The following PCNT variants were observed in gnomAD, a reference collection of about 807,000 sequenced individuals.
PCNT encodes the protein kendrin.
Under a neutral mutation model 380.4 loss-of-function variants are expected in PCNT, and 319 were observed. The observed-to-expected ratio is 0.84, with a 90% CI of 0.77 to 0.92. PCNT has a LOEUF of 0.92. PCNT is among the 40% of genes least tolerant of loss of function. PCNT has a pLI of 0.00. For synonymous variants in PCNT, 1,845 were observed against 1,735.2 expected (o/e 1.06, Z -1.57); for missense variants, 4,400 against 4,255.3 (o/e 1.03, Z -0.95).
At chr21:46,414,667 C>G (rs1243704610) in intron 29 of PCNT, among the ~76,000 whole-genome samples, 1 of 148,522 alleles carries the variant, frequency 6.7e-6, no homozygotes, top group African/African-American at 2.5e-5. Flanking sequence ...GCCACCCACC[C>G]TGCTCCTCCT....
chr21:46,444,545 A>C (rs2053699271), intron 45 of PCNT, 149 bp from the exon 46 acceptor site: 1 of 749,150 alleles, frequency 1.3e-6, no homozygotes, highest in Non-Finnish European at 2.2e-6. Flanking sequence ...AGGGATCTGA[A>C]GGAAACGGCC....
rs930298994 is a variant in PCNT at position 46,347,638 on chromosome 21, C to G, written c.1032+126C>G. 15 of 867,612 alleles carry G rather than the reference C, an allele frequency of 1.7e-5. No individual in the cohort carries two copies. In the Admixed American group the frequency reaches 2.8e-4, roughly 16 times the overall value. The allele number at this position is 867,612 out of a possible 1,614,324, so 53.7% of individuals were successfully genotyped here. On this transcript the variant is annotated intron_variant, in intron 6 of 46. Coordinates refer to ENST00000359568, the MANE Select transcript of PCNT (RefSeq NM_006031.6). ...CCAGTCGAGGCTTTATTAGAATATG[C>G]TGGTTGAAAGTGTATTGCGTTCTTT...
chr21:46,422,253 G>A, intron 32 of PCNT, 129 bp downstream of exon 32: 2 of 1,166,916 alleles, frequency 1.7e-6, no homozygotes, highest in South Asian at 2.6e-5. Flanking sequence ...CTGAGCACCT[G>A]CATTTTAATG....
Position 46,366,598 on chromosome 21 carries a change from G to A in PCNT, c.2624G>A (p.Arg875His), listed in dbSNP as rs753157321. 1.9e-5 allele frequency: 31 copies of A among 1,613,922 alleles called. No homozygotes were observed. The highest frequency in any genetic ancestry group is 6.7e-5 in the East Asian group (3 of 44,878). Residue 875 changes from arginine (R) to histidine (H), a missense_variant, in exon 15 of 47, where the codon CGT becomes CAT. Transcript: ENST00000359568. ...MLARSRFLEE[R>H]KEITEKFSAE... ...TGTTGCCGCAGGTTTTTAGAGGAACGTAAAGAGATCACCGAGAAATTCAGT... is the reference window on the plus strand; with the variant it reads ...TGTTGCCGCAGGTTTTTAGAGGAACATAAAGAGATCACCGAGAAATTCAGT...
At chr21:46,398,709 T>TA (rs759474446) in intron 24 of PCNT, among the ~76,000 whole-genome samples, 26 of 152,228 alleles carry the variant, frequency 1.7e-4, no homozygotes, top group Non-Finnish European at 2.8e-4. Context: ...CTTGGGGGAT[T>TA]GACACCATTC....
Position 46,428,383 on chromosome 21 carries a change from T to C in PCNT, c.7495-12T>C. ...CCCAATGCTCAGGCTGCTTGTCCCA[T>C]TGTGCCCCCAGGGAGACCTGCAGGA... On this transcript the variant is annotated splice_polypyrimidine_tract_variant and intron_variant, in intron 34 of 46. Coordinates refer to ENST00000359568, the MANE Select transcript of PCNT (RefSeq NM_006031.6). The C allele has an allele frequency of 6.2e-7, 1 of 1,610,878 alleles. No homozygotes were observed. Among genetic ancestry groups the C allele is most frequent in the Non-Finnish European group, 8.5e-7 (1 of 1,179,004 alleles).
In PCNT at chr21:46,440,082, G is replaced by A; in HGVS notation, c.9274-1G>A. On this transcript the variant is annotated splice_acceptor_variant, in intron 41 of 46. Coordinates refer to ENST00000359568, the MANE Select transcript of PCNT (RefSeq NM_006031.6). LOFTEE classifies it high-confidence loss of function. ...ACAGCGCTGGCTGTGCTTCCTTACAGAGGTCGGAAAGGTCTGCTTGGAAGC... is the reference window on the plus strand; with the variant it reads ...ACAGCGCTGGCTGTGCTTCCTTACAAAGGTCGGAAAGGTCTGCTTGGAAGC... The A allele has an allele frequency of 6.2e-7, 1 of 1,614,086 alleles. No individual in the cohort carries two copies. Among genetic ancestry groups the A allele is most frequent in the Non-Finnish European group, 8.5e-7 (1 of 1,180,024 alleles).
intron 8 of PCNT, among the ~76,000 whole-genome samples, chr21:46,350,250 A>G (rs892188300): frequency 1.3e-5 from 2 of 152,242 alleles, no homozygotes; most frequent in Non-Finnish European, 2.9e-5. Flanking sequence ...GTGTAAGGAT[A>G]TAGTCTCTGA....
rs772148654 is a variant in PCNT, at chr21:46,381,831, A to T, written c.3303A>T (p.Gln1101His). 1.2e-6 allele frequency: 2 copies of T among 1,614,218 alleles called. No homozygotes were observed. The highest frequency in any genetic ancestry group is 1.7e-6 in the Non-Finnish European group (2 of 1,180,012). ...LSLQLQKKNH[Q>H]VQQLKDQVLS... ...TGCAGCTTCAAAAGAAGAATCACCA[A>T]GTCCAGCAGGTGTGTGGAATACGCT... The change falls in exon 16 of 47, where the codon CAA becomes CAT. Residue 1101 changes from glutamine to histidine, a missense_variant. Gln to His is a conservative substitution (Grantham distance 24). Transcript: ENST00000359568.
chr21:46,393,283 T>G (rs541940508), intron 21 of PCNT, among the ~76,000 whole-genome samples: 76 of 152,342 alleles, frequency 5.0e-4, no homozygotes, highest in African/African-American at 1.7e-3. Context: ...TCTTTTCCTT[T>G]GACGCCCTCG....
At position 46,346,801 on chromosome 21, in the gene PCNT, C is replaced by T. The variant is rs776871207; in HGVS notation, c.779C>T (p.Ala260Val). 3.6e-5 allele frequency: 58 copies of T among 1,600,576 alleles called. No individual in the cohort carries two copies. Among genetic ancestry groups the T allele is most frequent in the Non-Finnish European group, 4.6e-5 (54 of 1,174,692 alleles). The change falls in exon 5 of 47, where the codon GCG becomes GTG. Residue 260 changes from alanine to valine, a missense_variant. Coordinates refer to ENST00000359568, the MANE Select transcript of PCNT (RefSeq NM_006031.6). ...CTGAGTCTGAGCAACATGCACACGG[C>T]GCAGCTGGAGCTGACACAGGCCAAC... ...LRLSLSNMHTAQLELTQANLQ... is the reference protein window; with the variant it reads ...LRLSLSNMHTVQLELTQANLQ...
At chr21:46,393,090 G>A (rs1201702431) in intron 21 of PCNT, among the ~76,000 whole-genome samples, 1 of 152,138 alleles carries the variant, frequency 6.6e-6, no homozygotes, top group Admixed American at 6.5e-5. Flanking sequence ...CTGCGGTGTT[G>A]CCTGCTGCCG....
chr21:46,381,668 T>C, intron 15 of PCNT, 26 bp from the exon 16 acceptor site: 1 of 1,606,856 alleles, frequency 6.2e-7, no homozygotes, highest in East Asian at 2.2e-5. Context: ...CTTACTGGTA[T>C]TTTTTATTGT....
At chr21:46,438,447 G>C in intron 41 of PCNT, 110 bp downstream of exon 41, 6 of 935,864 alleles carry the variant, frequency 6.4e-6, no homozygotes, top group Non-Finnish European at 1.0e-5. Context: ...GGATGTGGGC[G>C]TCACCTTCTC....
chr21:46,440,833 T>C, intron 42 of PCNT, 22 bp from the exon 43 acceptor site: 1 of 1,443,954 alleles, frequency 6.9e-7, no homozygotes, highest in Non-Finnish European at 9.8e-7. Flanking sequence ...ATGATAAAAT[T>C]TTACTGCTTT....
chr21:46,349,482 C>T (rs1470225116), intron 7 of PCNT, among the ~76,000 whole-genome samples: 1 of 152,128 alleles, frequency 6.6e-6, no homozygotes, highest in Non-Finnish European at 1.5e-5. Flanking sequence ...TTGTGTGTTC[C>T]AGCTTGACCC....
intron 17 of PCNT, among the ~76,000 whole-genome samples, chr21:46,387,169 A>G (rs2085867047): frequency 6.6e-6 from 1 of 152,206 alleles, no homozygotes. Context: ...CTGAGCTCAC[A>G]GCTGTTTCTG....
At chr21:46,342,085 G>T (rs987195333) in intron 3 of PCNT, among the ~76,000 whole-genome samples, 4 of 151,998 alleles carry the variant, frequency 2.6e-5, no homozygotes, top group Non-Finnish European at 5.9e-5. Context: ...GGGATTATAG[G>T]CATGCACCGC....
At chr21:46,327,196 G>A (rs970146367) in intron 2 of PCNT, among the ~76,000 whole-genome samples, 9 of 151,582 alleles carry the variant, frequency 5.9e-5, no homozygotes, top group African/African-American at 1.9e-4. Context: ...AAGTAGCTGG[G>A]ACTACAGGCG....
Sources: gnomAD v4.1 joint callset for allele counts (sites outside exome capture counted in the v4.1 genomes callset) on GRCh38, gnomAD v4.1.1 for gene constraint, MANE v1.5 for transcripts, NCBI Gene and HGNC (gene_info 2026-07-23, HGNC 2026-07-21) for gene names.